GABRA4: variants seen among roughly 807,000 people sequenced by gnomAD.
GABRA4 encodes the protein gamma-aminobutyric acid type A receptor subunit alpha4.
A neutral mutation model predicts 49.7 loss-of-function variants in GABRA4; 12 were observed. The observed-to-expected ratio is 0.24, with a 90% CI of 0.15 to 0.39. The LOEUF (loss-of-function observed/expected upper bound fraction) is 0.39, where lower values mean the gene tolerates loss of function less well. GABRA4 is among the 10% of genes least tolerant of loss of function. GABRA4 has a pLI of 1.00. For synonymous variants in GABRA4, 288 were observed against 240.2 expected (o/e 1.20, Z -1.84); for missense variants, 506 against 686.0 (o/e 0.74, Z 2.93).
intron 8 of GABRA4, among the ~76,000 whole-genome samples, chr4:46,936,408 C>A (rs1175676182): frequency 3.3e-5 from 5 of 152,170 alleles, no homozygotes; most frequent in Non-Finnish European, 5.9e-5. Context: ...TGCCACCACA[C>A]CCGGCTAATT....
intron 2 of GABRA4, among the ~76,000 whole-genome samples, chr4:46,987,395 T>G (rs1349041355): frequency 6.6e-6 from 1 of 152,102 alleles, no homozygotes; most frequent in Admixed American, 6.6e-5. Flanking sequence ...TCCCCTGCTT[T>G]ACATTACTCT....
At position 46,992,955 on chromosome 4, in the gene GABRA4, G is replaced by GAAAAA; in HGVS notation, c.87-14_87-10dup. 1 of 1,301,040 alleles carries GAAAAA rather than the reference G, an allele frequency of 7.7e-7. No individual in the cohort carries two copies. Among genetic ancestry groups the GAAAAA allele is most frequent in the Non-Finnish European group, 1.1e-6 (1 of 924,974 alleles). 80.6% of individuals were successfully genotyped at this position (1,301,040 alleles called of 1,614,324 possible). On this transcript the variant is annotated splice_polypyrimidine_tract_variant and intron_variant, in intron 1 of 8. Transcript: ENST00000264318. ...CTGGGGATTCGTTTAAACTGCAAGC[G>GAAAAA]AAAAAAAAAAAACCGGGGGCGGAGG...
chr4:46,986,922 A>T (rs1723564176), intron 2 of GABRA4, among the ~76,000 whole-genome samples: 1 of 152,096 alleles, frequency 6.6e-6, no homozygotes, highest in Non-Finnish European at 1.5e-5. Flanking sequence ...ACCATTTCTT[A>T]TAAATTTACA....
intron 8 of GABRA4, among the ~76,000 whole-genome samples, chr4:46,959,931 A>G (rs1722514127): frequency 6.6e-6 from 1 of 151,014 alleles, no homozygotes; most frequent in African/African-American, 2.4e-5. Context: ...GTTAGTAGCT[A>G]CATGAGACAG....
chr4:46,941,873 T>G (rs955294131), intron 8 of GABRA4, among the ~76,000 whole-genome samples: 4 of 152,114 alleles, frequency 2.6e-5, no homozygotes, highest in Admixed American at 2.6e-4. Flanking sequence ...AGGTTTCCTC[T>G]GGGGGTGGTG....
intron 8 of GABRA4, among the ~76,000 whole-genome samples, chr4:46,945,232 G>A (rs1223809937): frequency 6.6e-6 from 1 of 152,072 alleles, no homozygotes; most frequent in Non-Finnish European, 1.5e-5. Context: ...TAACCAGAAT[G>A]AAATGCTTTT....
chr4:46,954,886 T>C (rs747575104), intron 8 of GABRA4, among the ~76,000 whole-genome samples: 1 of 152,124 alleles, frequency 6.6e-6, no homozygotes, highest in East Asian at 1.9e-4. Context: ...ACTACACATA[T>C]GATCTAGGCA....
At chr4:46,935,724 G>C (rs1300135329) in intron 8 of GABRA4, among the ~76,000 whole-genome samples, 2 of 152,042 alleles carry the variant, frequency 1.3e-5, no homozygotes, top group Non-Finnish European at 2.9e-5. Flanking sequence ...TGTAGATGAC[G>C]GGTTGATGGG....
Position 46,928,046 on chromosome 4 carries a change from CAT to C in GABRA4, c.*177_*178del, listed in dbSNP as rs112035714. Reference sequence around the variant, plus strand: ...TTAAAATAATTTTTCTGAAAAAAAACATAGTTCACTTTTTCACTCAGGAATTA... The same window carrying C: ...TTAAAATAATTTTTCTGAAAAAAAACAGTTCACTTTTTCACTCAGGAATTA... On this transcript the variant is annotated 3_prime_UTR_variant, in exon 9 of 9. Coordinates refer to ENST00000264318, the MANE Select transcript of GABRA4 (RefSeq NM_000809.4). The C allele has an allele frequency of 1.2e-4, 66 of 535,036 alleles. No individual in the cohort carries two copies. The highest frequency in any genetic ancestry group is 9.9e-4 in the African/African-American group (51 of 51,380). 33.1% of individuals were successfully genotyped at this position (535,036 alleles called of 1,614,324 possible). A position where few individuals can be genotyped will look rare whatever the true frequency, so the allele number is the denominator to read the frequency against.
intron 2 of GABRA4, among the ~76,000 whole-genome samples, chr4:46,984,983 G>A (rs980693806): frequency 2.6e-5 from 4 of 151,906 alleles, no homozygotes; most frequent in Non-Finnish European, 5.9e-5. Context: ...TTTGGGCCAG[G>A]ATATTCACAG....
chr4:46,982,119 A>G (rs1723377073), intron 2 of GABRA4, among the ~76,000 whole-genome samples: 1 of 152,116 alleles, frequency 6.6e-6, no homozygotes, highest in South Asian at 2.1e-4. Flanking sequence ...AATATATGCT[A>G]TGGTGACTGT....
chr4:46,976,125 G>A (rs1723131405), intron 5 of GABRA4, among the ~76,000 whole-genome samples: 1 of 151,724 alleles, frequency 6.6e-6, no homozygotes, highest in Non-Finnish European at 1.5e-5. Context: ...ATCACATTTT[G>A]CTGCCATCTC....
intron 6 of GABRA4, among the ~76,000 whole-genome samples, 157 bp from the exon 7 acceptor site, chr4:46,971,392 C>A (rs568412686): frequency 4.0e-5 from 6 of 151,410 alleles, no homozygotes; most frequent in African/African-American, 9.7e-5. Flanking sequence ...AGTTTCCTAA[C>A]GAGGGAGAAA....
intron 7 of GABRA4, among the ~76,000 whole-genome samples, chr4:46,970,540 CA>C (rs1722913812): frequency 6.6e-6 from 1 of 150,786 alleles, no homozygotes; most frequent in Non-Finnish European, 1.5e-5. Context: ...ACTATAAAAA[CA>C]AAAAGAAAAA....
At chr4:46,975,508 A>G (rs1723108898) in intron 5 of GABRA4, among the ~76,000 whole-genome samples, 1 of 151,916 alleles carries the variant, frequency 6.6e-6, no homozygotes, top group Non-Finnish European at 1.5e-5. Context: ...CTGAATTGTA[A>G]GCATGGGGGT....
intron 8 of GABRA4, among the ~76,000 whole-genome samples, chr4:46,957,764 C>A (rs1451914836): frequency 6.6e-6 from 1 of 151,886 alleles, no homozygotes; most frequent in Admixed American, 6.6e-5. Context: ...CCTGTCTCAG[C>A]CCTGCCACTT....
intron 8 of GABRA4, among the ~76,000 whole-genome samples, chr4:46,929,354 A>T (rs570684946): frequency 8.3e-4 from 126 of 152,178 alleles, no homozygotes; most frequent in African/African-American, 2.8e-3. Context: ...TAATACTGAC[A>T]TATTTTATTT....
At chr4:46,991,272 GT>G (rs1257959167) in intron 2 of GABRA4, among the ~76,000 whole-genome samples, 1 of 152,106 alleles carries the variant, frequency 6.6e-6, no homozygotes, top group African/African-American at 2.4e-5. Context: ...GAAAATAATG[GT>G]TTGGAATTCA....
intron 8 of GABRA4, among the ~76,000 whole-genome samples, chr4:46,954,496 G>T (rs2109361735): frequency 6.7e-6 from 1 of 150,332 alleles, no homozygotes; most frequent in Admixed American, 6.7e-5. Context: ...GGTGGAGGTT[G>T]CAATGAGCCA....
Sources: gnomAD v4.1 joint callset for allele counts (sites outside exome capture counted in the v4.1 genomes callset) on GRCh38, gnomAD v4.1.1 for gene constraint, MANE v1.5 for transcripts, NCBI Gene and HGNC (gene_info 2026-07-23, HGNC 2026-07-21) for gene names.